SHISAL1: variants seen among roughly 807,000 people sequenced by gnomAD.
SHISAL1 encodes the protein shisa like 1.
In SHISAL1, 9 loss-of-function variants were observed where a neutral mutation model predicts 22.6. The observed-to-expected ratio is 0.40, with a 90% CI of 0.24 to 0.70. The LOEUF (loss-of-function observed/expected upper bound fraction) is 0.70. SHISAL1 is among the 30% of genes least tolerant of loss of function. The probability of loss-of-function intolerance (pLI) is 0.39; values close to 1 mark genes in which losing one functional copy is unlikely to be tolerated. For synonymous variants in SHISAL1, 119 were observed against 115.4 expected, an observed-to-expected ratio of 1.03 and a Z score of -0.20; for missense variants, 246 against 270.6, an observed-to-expected ratio of 0.91 and a Z score of 0.64.
chr22:44,315,405 C>T (rs537505724), upstream of SHISAL1, among the ~76,000 whole-genome samples: 157 of 152,228 alleles, frequency 1.0e-3, 1 homozygote, highest in Middle Eastern at 3.4e-3. Context: ...GAGAAAGGAG[C>T]GTTTTTTTCC....
intron 4 of SHISAL1, among the ~76,000 whole-genome samples, chr22:44,263,119 C>T (rs1373334874): frequency 7.9e-6 from 1 of 126,310 alleles, no homozygotes; most frequent in East Asian, 2.4e-4. Flanking sequence ...GTCTGTGTCG[C>T]CCAGGCAATA....
chr22:44,250,058 C>A (rs2055036767), intron 4 of SHISAL1, among the ~76,000 whole-genome samples: 1 of 152,170 alleles, frequency 6.6e-6, no homozygotes, highest in East Asian at 1.9e-4. Flanking sequence ...ACCTATAAGA[C>A]ATCAGATCAA....
chr22:44,301,928 TGAA>T (rs2055432601), intron 1 of SHISAL1, among the ~76,000 whole-genome samples: 1 of 151,128 alleles, frequency 6.6e-6, no homozygotes, highest in African/African-American at 2.4e-5. Flanking sequence ...GGATGGGGAG[TGAA>T]TGTTTCATGG....
At chr22:44,274,418 T>C (rs2055225660) in intron 4 of SHISAL1, among the ~76,000 whole-genome samples, 1 of 152,166 alleles carries the variant, frequency 6.6e-6, no homozygotes, top group African/African-American at 2.4e-5. Flanking sequence ...TCTCCCTGCC[T>C]GGCATCTATC....
Position 44,249,617 on chromosome 22 carries a change from C to T in SHISAL1, c.*68G>A, listed in dbSNP as rs1601771988. The stretch of plus-strand genomic sequence containing the variant: ...CCCTGGCATCTCTGTAGAAGTTGTT[C>T]TTCTCGGAGGCTGCACCGGGTGCTT... On this transcript the variant is annotated 3_prime_UTR_variant, in exon 5 of 5. Transcript: ENST00000381176. 1 of 776,244 alleles carries T rather than the reference C, an allele frequency of 1.3e-6. No individual in the cohort carries two copies. Among genetic ancestry groups the T allele is most frequent in the South Asian group, 1.3e-5 (1 of 74,280 alleles). 48.1% of individuals were successfully genotyped at this position (776,244 alleles called of 1,614,324 possible).
intron 4 of SHISAL1, among the ~76,000 whole-genome samples, chr22:44,260,898 A>T (rs2147272542): frequency 6.6e-6 from 1 of 152,026 alleles, no homozygotes; most frequent in South Asian, 2.1e-4. Flanking sequence ...CCTGGAGGGC[A>T]ATGTGGCTTC....
the SHISAL1 span, among the ~76,000 whole-genome samples, chr22:44,327,243 C>T: frequency 4.8e-5 from 1 of 20,772 alleles, no homozygotes; most frequent in African/African-American, 1.1e-4. Context: ...GGGGCGCGCA[C>T]ACACACACAC....
At chr22:44,301,085 T>A (rs1601802234) in intron 1 of SHISAL1, 108 bp from the exon 2 acceptor site, 1 of 686,212 alleles carries the variant, frequency 1.5e-6, no homozygotes, top group Non-Finnish European at 2.5e-6. Flanking sequence ...GGAGAGCGAG[T>A]TTGTCGGGAG....
rs7289182 is a variant in SHISAL1, at chr22:44,296,660, A to G, written c.281+12T>C. ...CGAGGCAGTGGGGTTGCACCCCCAG[A>G]GTGGCACTCACTTGTGCATGTAACC... On this transcript the variant is annotated intron_variant, in intron 3 of 4. Coordinates refer to ENST00000381176, the MANE Select transcript of SHISAL1 (RefSeq NM_001099294.2). 0.035 allele frequency: 56,184 copies of G among 1,612,064 alleles called. 3,662 individuals are homozygous for G. Among genetic ancestry groups the G allele is most frequent in the African/African-American group, 0.21 (15,748 of 74,940 alleles).
the SHISAL1 span, among the ~76,000 whole-genome samples, chr22:44,328,853 T>C: frequency 4.0e-5 from 6 of 150,254 alleles, no homozygotes; most frequent in African/African-American, 1.5e-4. Flanking sequence ...CCCTGCTCCA[T>C]CCCCCAGCCC....
rs569309038 is a variant in SHISAL1, at chr22:44,278,038, G to A, written c.599+7390C>T. 7.2e-5 allele frequency among the ~76,000 whole-genome samples: 11 copies of A among 152,282 alleles called. 1 individual carries two copies. The East Asian group carries it at 1.4e-3, about 19-fold the overall frequency. ...ACTTGATTGAAGGATGCAAAGTATTGATCCTGGGTGTGTCTGTGAAGGTGT... is the reference window on the plus strand; with the variant it reads ...ACTTGATTGAAGGATGCAAAGTATTAATCCTGGGTGTGTCTGTGAAGGTGT... On this transcript the variant is annotated intron_variant, in intron 4 of 4. Coordinates refer to ENST00000381176, the MANE Select transcript of SHISAL1 (RefSeq NM_001099294.2).
the SHISAL1 span, among the ~76,000 whole-genome samples, chr22:44,331,094 C>T: frequency 6.6e-5 from 10 of 152,092 alleles, no homozygotes; most frequent in Non-Finnish European, 1.3e-4. This position sits in a 1 kb window ranked among gnomAD's most constrained non-coding sequence, Gnocchi z 5.2. Flanking sequence ...CCGGCCGCCG[C>T]GTCCCGGCGC....
At chr22:44,254,538 T>A (rs977968354) in intron 4 of SHISAL1, among the ~76,000 whole-genome samples, 5 of 152,032 alleles carry the variant, frequency 3.3e-5, no homozygotes, top group Non-Finnish European at 5.9e-5. Context: ...TTAAAAAAAA[T>A]TTTTGCAGGG....
At chr22:44,251,940 G>A (rs1377170129) in intron 4 of SHISAL1, among the ~76,000 whole-genome samples, 1 of 125,550 alleles carries the variant, frequency 8.0e-6, no homozygotes, top group East Asian at 3.6e-4. Context: ...GTTATGTTAT[G>A]CGCACTTTAC....
At position 44,263,988 on chromosome 22, in the gene SHISAL1, G is replaced by A. The variant is rs537621327; in HGVS notation, c.*-14303C>T. Among the ~76,000 whole-genome samples the A allele has an allele frequency of 4.6e-5, 7 of 152,328 alleles. No homozygotes were observed. The South Asian group carries it at 1.4e-3, about 32-fold the overall frequency. On this transcript the variant is annotated intron_variant, in intron 4 of 4. Transcript: ENST00000381176. ...TCACTTCACCAAGAGACGTGGATGTGAAGGTTCATAGCAGCTTTACTGATG... is the reference window on the plus strand; with the variant it reads ...TCACTTCACCAAGAGACGTGGATGTAAAGGTTCATAGCAGCTTTACTGATG...
Position 44,304,393 on chromosome 22 carries a change from G to A in SHISAL1, c.-32-3416C>T, listed in dbSNP as rs117530097. Among the ~76,000 whole-genome samples, 201 of 152,344 alleles carry A rather than the reference G, an allele frequency of 1.3e-3. 8 individuals carry two copies. The East Asian group carries it at 0.036, about 28-fold the overall frequency. ...TCCCCTGTAGCATGGGCATCGTGGC[G>A]GGAGCTGGGACGTCAGGTGCTGACC... On this transcript the variant is annotated intron_variant, in intron 1 of 4. Coordinates refer to ENST00000381176, the MANE Select transcript of SHISAL1 (RefSeq NM_001099294.2).
At chr22:44,303,001 G>C (rs1407256451) in intron 1 of SHISAL1, among the ~76,000 whole-genome samples, 1 of 152,054 alleles carries the variant, frequency 6.6e-6, no homozygotes, top group South Asian at 2.1e-4. Context: ...TGGGCCCTGA[G>C]GGGACTAGAT....
the SHISAL1 span, among the ~76,000 whole-genome samples, chr22:44,326,046 C>A: frequency 3.9e-5 from 6 of 152,004 alleles, no homozygotes; most frequent in African/African-American, 1.4e-4. Context: ...CCCCTCCTCG[C>A]CCCAGAACTT....
intron 4 of SHISAL1, among the ~76,000 whole-genome samples, chr22:44,274,763 A>G (rs1027149692): frequency 2.0e-5 from 3 of 152,206 alleles, no homozygotes; most frequent in African/African-American, 7.2e-5. Context: ...AAAAACGCAA[A>G]GCAGTCCTAT....
Sources: allele counts gnomAD v4.1 joint callset (sites outside exome capture counted in the v4.1 genomes callset), GRCh38; gene constraint gnomAD v4.1.1; non-coding constraint Gnocchi (gnomAD v3.1); transcripts MANE v1.5; gene names NCBI Gene and HGNC (gene_info 2026-07-23, HGNC 2026-07-21).